Variants in TMEM117 observed in about 807,000 individuals in gnomAD.
TMEM117 encodes the protein transmembrane protein 117.
TMEM117 carries 27 observed loss-of-function variants against 52.4 expected under a neutral mutation model. The observed-to-expected ratio is 0.51, with a 90% CI of 0.38 to 0.71. The LOEUF is 0.71. TMEM117 is among the 30% of genes least tolerant of loss of function. The pLI is 0.00. For synonymous variants in TMEM117, 215 were observed against 206.3 expected, an observed-to-expected ratio of 1.04 and a Z score of -0.36; for missense variants, 556 against 630.5, an observed-to-expected ratio of 0.88 and a Z score of 1.26.
At chr12:43,883,175 A>G (rs916283855) in intron 2 of TMEM117, among the ~76,000 whole-genome samples, 2 of 152,350 alleles carry the variant, frequency 1.3e-5, no homozygotes, top group East Asian at 1.9e-4. Flanking sequence ...AGTAAGCTTC[A>G]TTAGATAAAT....
intron 3 of TMEM117, among the ~76,000 whole-genome samples, chr12:44,034,755 GT>G (rs2137878929): frequency 6.6e-6 from 1 of 152,280 alleles, no homozygotes; most frequent in East Asian, 1.9e-4. Context: ...CATTGTGACA[GT>G]TTTATGAGTC....
At chr12:44,323,700 A>G (rs1396032709) in intron 6 of TMEM117, among the ~76,000 whole-genome samples, 3 of 152,108 alleles carry the variant, frequency 2.0e-5, no homozygotes, top group African/African-American at 4.8e-5. Context: ...TATGTTTTCT[A>G]CTTTGAACTA....
intron 3 of TMEM117, among the ~76,000 whole-genome samples, chr12:44,043,297 A>T (rs1565804772): frequency 6.6e-6 from 1 of 152,190 alleles, no homozygotes; most frequent in Non-Finnish European, 1.5e-5. Flanking sequence ...GGAAAAACAG[A>T]TACAAGTTCT....
intron 6 of TMEM117, among the ~76,000 whole-genome samples, chr12:44,326,767 T>C (rs915261159): frequency 6.6e-6 from 1 of 152,200 alleles, no homozygotes; most frequent in African/African-American, 2.4e-5. Flanking sequence ...CAGGCCTCAT[T>C]GGGGAACTTC....
intron 6 of TMEM117, 34 bp downstream of exon 6, chr12:44,299,773 T>C (rs991063147): frequency 4.3e-6 from 7 of 1,611,592 alleles, no homozygotes. Flanking sequence ...GTGAAGCTGC[T>C]GCATGCTCTG....
intron 6 of TMEM117, among the ~76,000 whole-genome samples, chr12:44,332,163 T>G (rs750974766): frequency 6.6e-6 from 1 of 152,064 alleles, no homozygotes. Context: ...ACACTGGCTA[T>G]ATTTAACCTC....
intron 2 of TMEM117, among the ~76,000 whole-genome samples, chr12:43,873,876 G>A (rs1943747699): frequency 6.6e-6 from 1 of 151,844 alleles, no homozygotes; most frequent in Admixed American, 6.6e-5. Flanking sequence ...AAAGCTATCT[G>A]CATATACTTG....
chr12:44,298,709 T>C (rs1194858638), intron 5 of TMEM117, among the ~76,000 whole-genome samples: 1 of 151,018 alleles, frequency 6.6e-6, no homozygotes, highest in Non-Finnish European at 1.5e-5. Flanking sequence ...TAGTATCTTA[T>C]CTAGCAGGGA....
chr12:44,039,724 CT>C (rs1217761988), intron 3 of TMEM117, among the ~76,000 whole-genome samples: 5 of 151,830 alleles, frequency 3.3e-5, no homozygotes, highest in African/African-American at 1.2e-4. Context: ...TTTTAATTGG[CT>C]TTTTCCTTCT....
chr12:44,185,405 C>T (rs1949263396), intron 4 of TMEM117, among the ~76,000 whole-genome samples: 1 of 152,000 alleles, frequency 6.6e-6, no homozygotes, highest in African/African-American at 2.4e-5. Flanking sequence ...AACCTTTGTC[C>T]TCTAAGTTAT....
intron 6 of TMEM117, among the ~76,000 whole-genome samples, chr12:44,352,614 A>C (rs1951580729): frequency 6.6e-6 from 1 of 152,138 alleles, no homozygotes; most frequent in Admixed American, 6.6e-5. Context: ...GTCCCTACAA[A>C]GGACATGAAC....
chr12:44,238,150 G>A (rs1333392149), intron 5 of TMEM117, among the ~76,000 whole-genome samples: 1 of 152,138 alleles, frequency 6.6e-6, no homozygotes, highest in African/African-American at 2.4e-5. Flanking sequence ...CAGATAAGAA[G>A]TGTCTGTGTG....
intron 3 of TMEM117, among the ~76,000 whole-genome samples, chr12:44,014,016 G>T (rs922990597): frequency 2.0e-5 from 3 of 152,156 alleles, no homozygotes; most frequent in African/African-American, 7.2e-5. Context: ...CAGGGGAGGG[G>T]CATAGGGAGA....
intron 5 of TMEM117, among the ~76,000 whole-genome samples, chr12:44,224,376 A>G (rs1419435811): frequency 1.3e-5 from 2 of 152,146 alleles, no homozygotes; most frequent in Non-Finnish European, 2.9e-5. Context: ...TTTTTGTCCC[A>G]TCTATACTTA....
At chr12:44,269,353 T>G (rs1053895417) in intron 5 of TMEM117, among the ~76,000 whole-genome samples, 1 of 152,082 alleles carries the variant, frequency 6.6e-6, no homozygotes, top group African/African-American at 2.4e-5. Context: ...AATCCTAAAT[T>G]ATTCTATTAT....
At chr12:44,297,545 C>A (rs1950784022) in intron 5 of TMEM117, among the ~76,000 whole-genome samples, 1 of 152,144 alleles carries the variant, frequency 6.6e-6, no homozygotes, top group Non-Finnish European at 1.5e-5. Flanking sequence ...TATTTACCAA[C>A]CTATACAGCC....
chr12:44,000,594 G>A (rs1455873818), intron 3 of TMEM117, among the ~76,000 whole-genome samples: 1 of 152,092 alleles, frequency 6.6e-6, no homozygotes, highest in Non-Finnish European at 1.5e-5. Context: ...GGGCAACTGG[G>A]CTGAGTCTTA....
chr12:44,186,124 A>C (rs764874605), intron 4 of TMEM117, among the ~76,000 whole-genome samples: 1 of 152,122 alleles, frequency 6.6e-6, no homozygotes, highest in Non-Finnish European at 1.5e-5. Flanking sequence ...TTTGGCTAGA[A>C]CCTCTGCCAA....
intron 3 of TMEM117, among the ~76,000 whole-genome samples, chr12:43,949,016 A>G (rs1340586861): frequency 1.3e-5 from 2 of 152,194 alleles, no homozygotes; most frequent in African/African-American, 4.8e-5. Flanking sequence ...AAATTTCCAC[A>G]CAGATGATCC....
Sources: allele counts gnomAD v4.1 joint callset (sites outside exome capture counted in the v4.1 genomes callset), GRCh38; gene constraint gnomAD v4.1.1; transcripts MANE v1.5; gene names NCBI Gene and HGNC (gene_info 2026-07-23, HGNC 2026-07-21).